FHIT: variants seen among roughly 807,000 people sequenced by gnomAD.
FHIT encodes the protein bis(5'-adenosyl)-triphosphatase.
A neutral mutation model predicts 17.9 loss-of-function variants in FHIT; 19 were observed. The observed-to-expected ratio is 1.06, with a 90% CI of 0.74 to 1.56. The LOEUF (loss-of-function observed/expected upper bound fraction) is 1.56. Among genes scored for constraint, FHIT ranks in the 40% most tolerant of loss-of-function variants. The probability of loss-of-function intolerance (pLI) is 0.00; values close to 1 mark genes in which losing one functional copy is unlikely to be tolerated. For synonymous variants in FHIT, 81 were observed against 69.7 expected, an observed-to-expected ratio of 1.16 and a Z score of -0.81; for missense variants, 248 against 189.2, an observed-to-expected ratio of 1.31 and a Z score of -1.82.
chr3:61,041,014 T>G (rs990622912), intron 3 of FHIT, among the ~76,000 whole-genome samples: 13 of 152,174 alleles, frequency 8.5e-5, no homozygotes, highest in African/African-American at 2.9e-4. Flanking sequence ...TGCCCTGGTA[T>G]GCATCTTGGA....
At chr3:60,616,178 C>G (rs1295037961) in intron 4 of FHIT, among the ~76,000 whole-genome samples, 1 of 152,140 alleles carries the variant, frequency 6.6e-6, no homozygotes, top group Non-Finnish European at 1.5e-5. Context: ...GTAGTGTCAC[C>G]TGTTTGGATA....
At chr3:61,230,864 A>G (rs1207284433) in intron 1 of FHIT, among the ~76,000 whole-genome samples, 1 of 152,188 alleles carries the variant, frequency 6.6e-6, no homozygotes, top group Non-Finnish European at 1.5e-5. Context: ...TCACAGAACA[A>G]TCTATTAAAT....
At chr3:60,639,469 A>C (rs1294412814) in intron 4 of FHIT, among the ~76,000 whole-genome samples, 1 of 152,170 alleles carries the variant, frequency 6.6e-6, no homozygotes, top group Non-Finnish European at 1.5e-5. Context: ...CAAAATTGCA[A>C]TTTAGAAGAC....
intron 2 of FHIT, among the ~76,000 whole-genome samples, chr3:61,127,302 T>C (rs747571383): frequency 8.5e-5 from 13 of 152,160 alleles, no homozygotes; most frequent in Non-Finnish European, 1.8e-4. Flanking sequence ...GACACTGCCA[T>C]GGCTATGCAG....
chr3:60,865,592 C>T (rs1704119935), intron 3 of FHIT, among the ~76,000 whole-genome samples: 1 of 152,082 alleles, frequency 6.6e-6, no homozygotes, highest in South Asian at 2.1e-4. Flanking sequence ...TGAAGAGAGT[C>T]TATATCAAGA....
At chr3:60,033,620 T>G (rs1701092868) in intron 5 of FHIT, among the ~76,000 whole-genome samples, 1 of 151,892 alleles carries the variant, frequency 6.6e-6, no homozygotes, top group East Asian at 1.9e-4. Context: ...AAGAAAATAC[T>G]TCTAGCAATT....
intron 5 of FHIT, among the ~76,000 whole-genome samples, chr3:60,348,601 G>C (rs1386200103): frequency 1.3e-5 from 2 of 152,134 alleles, no homozygotes; most frequent in East Asian, 3.9e-4. Context: ...AAGTATACCT[G>C]GGACTTGGCA....
intron 4 of FHIT, among the ~76,000 whole-genome samples, chr3:60,816,883 TAG>T (rs1337415106): frequency 1.3e-5 from 2 of 152,028 alleles, no homozygotes; most frequent in African/African-American, 2.4e-5. Flanking sequence ...CACTGACATT[TAG>T]TCTGATTACT....
intron 2 of FHIT, among the ~76,000 whole-genome samples, chr3:61,080,932 G>A (rs935436341): frequency 1.3e-5 from 2 of 152,100 alleles, no homozygotes; most frequent in Non-Finnish European, 2.9e-5. Context: ...AAAGGATCAC[G>A]GCAAAAAGCG....
chr3:61,005,737 G>A (rs558703907), intron 3 of FHIT, among the ~76,000 whole-genome samples: 1 of 152,098 alleles, frequency 6.6e-6, no homozygotes, highest in South Asian at 2.1e-4. Context: ...TATATGTGGT[G>A]CCTAGAGCTG....
intron 3 of FHIT, among the ~76,000 whole-genome samples, chr3:60,834,641 T>C (rs1702464339): frequency 6.6e-6 from 1 of 151,870 alleles, no homozygotes; most frequent in Admixed American, 6.6e-5. Context: ...GTGGATCTTT[T>C]GAGGTCAGGA....
At chr3:60,808,574 A>G (rs537628606) in intron 4 of FHIT, among the ~76,000 whole-genome samples, 18 of 152,358 alleles carry the variant, frequency 1.2e-4, no homozygotes, top group African/African-American at 4.3e-4. Context: ...AGAATCAGAC[A>G]AAACCTCACT....
intron 8 of FHIT, among the ~76,000 whole-genome samples, chr3:59,905,772 C>T (rs1704559191): frequency 6.6e-6 from 1 of 152,074 alleles, no homozygotes; most frequent in Non-Finnish European, 1.5e-5. Flanking sequence ...CCTCCTGTGA[C>T]AGAAGAACAA....
At chr3:60,927,275 GCAGA>G (rs1336212211) in intron 3 of FHIT, among the ~76,000 whole-genome samples, 2 of 152,230 alleles carry the variant, frequency 1.3e-5, no homozygotes, top group Admixed American at 1.3e-4. Context: ...TGCCGGGATT[GCAGA>G]CAGAGTCTCG....
At chr3:60,317,579 T>C (rs1039670408) in intron 5 of FHIT, among the ~76,000 whole-genome samples, 1 of 148,024 alleles carries the variant, frequency 6.8e-6, no homozygotes, top group Non-Finnish European at 1.5e-5. Context: ...TATATAATTA[T>C]ATATATCATT....
At chr3:60,498,835 T>A (rs1035349115) in intron 5 of FHIT, among the ~76,000 whole-genome samples, 5 of 149,980 alleles carry the variant, frequency 3.3e-5, no homozygotes, top group South Asian at 2.1e-4. Flanking sequence ...AAGCTCAACT[T>A]AAAAAAAAAA....
At chr3:59,882,490 C>T (rs1238881599) in intron 8 of FHIT, among the ~76,000 whole-genome samples, 3 of 151,838 alleles carry the variant, frequency 2.0e-5, no homozygotes, top group Non-Finnish European at 4.4e-5. Flanking sequence ...GGTGGTAACT[C>T]GGTAGAGAAA....
At chr3:60,774,303 T>A (rs2108080776) in intron 4 of FHIT, among the ~76,000 whole-genome samples, 1 of 152,264 alleles carries the variant, frequency 6.6e-6, no homozygotes, top group South Asian at 2.1e-4. Flanking sequence ...AAAATTTAAT[T>A]AATTTATTCT....
intron 4 of FHIT, among the ~76,000 whole-genome samples, chr3:60,591,572 T>C (rs1449710191): frequency 6.6e-6 from 1 of 152,000 alleles, no homozygotes; most frequent in African/African-American, 2.4e-5. Flanking sequence ...TGAAGCTGAA[T>C]CCTTATAGGA....
Sources: gnomAD v4.1 joint callset for allele counts (sites outside exome capture counted in the v4.1 genomes callset) on GRCh38, gnomAD v4.1.1 for gene constraint, MANE v1.5 for transcripts, NCBI Gene and HGNC (gene_info 2026-07-23, HGNC 2026-07-21) for gene names.